CA10: variants seen among roughly 807,000 people sequenced by gnomAD.
CA10 encodes the protein carbonic anhydrase 10 (inactive), also known as carbonic anhydrase-related protein 10.
A neutral mutation model predicts 44.2 loss-of-function variants in CA10; 14 were observed. The observed-to-expected ratio is 0.32, with a 90% CI of 0.21 to 0.50. The LOEUF is 0.50. Ranked by LOEUF, CA10 falls within the 20% of genes least tolerant of loss-of-function variation. The pLI is 0.99. For missense variants in CA10, 350 were observed against 409.7 expected (o/e 0.85, Z 1.26); for synonymous variants, 159 against 141.6 (o/e 1.12, Z -0.87).
At chr17:51,905,497 G>C (rs556278434) in intron 3 of CA10, among the ~76,000 whole-genome samples, 60 of 143,014 alleles carry the variant, frequency 4.2e-4, no homozygotes, top group African/African-American at 1.4e-3. Context: ...TACCTGCTTA[G>C]AGTTTATGGC....
At chr17:51,845,645 A>G (rs1978460327) in intron 3 of CA10, among the ~76,000 whole-genome samples, 1 of 152,238 alleles carries the variant, frequency 6.6e-6, no homozygotes, top group Middle Eastern at 3.2e-3. Context: ...AAATGCACTC[A>G]GCATTGAACA....
chr17:51,692,065 G>C (rs1478045152), intron 4 of CA10, among the ~76,000 whole-genome samples: 3 of 145,756 alleles, frequency 2.1e-5, no homozygotes, highest in Non-Finnish European at 4.5e-5. Context: ...GGGATTGCTT[G>C]AATCAGTAGA....
chr17:51,704,926 G>A (rs1204194501), intron 4 of CA10, among the ~76,000 whole-genome samples: 4 of 149,986 alleles, frequency 2.7e-5, no homozygotes, highest in East Asian at 2.0e-4. Flanking sequence ...CCAGGATCAC[G>A]CCATTCCACT....
intron 4 of CA10, among the ~76,000 whole-genome samples, chr17:51,726,004 T>C (rs59032453): frequency 4.6e-5 from 7 of 152,020 alleles, no homozygotes; most frequent in Non-Finnish European, 8.8e-5. Context: ...GTGAAAGTAG[T>C]GATGCTGGTG....
rs112072325 is a variant in CA10 at position 51,867,898 on chromosome 17, A to G, written c.279+63092T>C. Among the ~76,000 whole-genome samples the G allele has an allele frequency of 4.5e-3, 683 of 152,342 alleles. 6 individuals are homozygous for G. Among genetic ancestry groups the G allele is most frequent in the African/African-American group, 0.016 (665 of 41,580 alleles). Reference sequence around the variant, plus strand: ...GTTCCAAACATGCCTAATTATTTCTAACAGATTCTAAAAACCTCTCAAAAT... The same window carrying G: ...GTTCCAAACATGCCTAATTATTTCTGACAGATTCTAAAAACCTCTCAAAAT... On this transcript the variant is annotated intron_variant, in intron 3 of 8. Coordinates refer to ENST00000451037, the MANE Select transcript of CA10 (RefSeq NM_020178.5).
intron 3 of CA10, among the ~76,000 whole-genome samples, chr17:51,752,516 T>C (rs1904923846): frequency 6.6e-6 from 1 of 152,042 alleles, no homozygotes; most frequent in Admixed American, 6.6e-5. Context: ...TGGTGAAGGT[T>C]CAGTAACTTA....
chr17:51,907,297 C>T (rs1273616371), intron 3 of CA10, among the ~76,000 whole-genome samples: 1 of 152,022 alleles, frequency 6.6e-6, no homozygotes, highest in Non-Finnish European at 1.5e-5. Flanking sequence ...CTTGCTTACT[C>T]CACTTAGGTT....
intron 6 of CA10, among the ~76,000 whole-genome samples, chr17:51,638,359 T>C (rs989203712): frequency 6.6e-6 from 1 of 152,150 alleles, no homozygotes; most frequent in African/African-American, 2.4e-5. Context: ...AGACCAACCC[T>C]AGGAGGAAGG....
intron 2 of CA10, among the ~76,000 whole-genome samples, chr17:52,048,806 G>A (rs373571154): frequency 8.5e-5 from 13 of 152,078 alleles, no homozygotes; most frequent in African/African-American, 3.1e-4. Flanking sequence ...TAGAAGTTGA[G>A]GCCAAATTGC....
intron 3 of CA10, among the ~76,000 whole-genome samples, chr17:51,765,613 T>C (rs993171777): frequency 7.2e-5 from 11 of 152,138 alleles, no homozygotes; most frequent in African/African-American, 2.4e-4. Context: ...ATCTCCATTT[T>C]AGTTGTAACC....
At chr17:51,984,642 A>T (rs1179281444) in intron 2 of CA10, among the ~76,000 whole-genome samples, 1 of 151,852 alleles carries the variant, frequency 6.6e-6, no homozygotes, top group Non-Finnish European at 1.5e-5. Flanking sequence ...GAAGAGAGAA[A>T]ATCCAAATAA....
chr17:52,059,068 T>C (rs1987306705), intron 2 of CA10, among the ~76,000 whole-genome samples: 1 of 152,152 alleles, frequency 6.6e-6, no homozygotes, highest in African/African-American at 2.4e-5. Flanking sequence ...CACCCTCTCA[T>C]ACTGAGAGAA....
At chr17:52,143,269 C>A (rs1216131780) in intron 1 of CA10, among the ~76,000 whole-genome samples, 2 of 152,026 alleles carry the variant, frequency 1.3e-5, no homozygotes, top group Non-Finnish European at 2.9e-5. Context: ...TTAATGAACA[C>A]AAACCATATA....
In CA10 at chr17:51,666,640, C is replaced by T. The variant is rs186575551; in HGVS notation, c.466-12904G>A. On this transcript the variant is annotated intron_variant, in intron 4 of 8. Transcript: ENST00000451037. ...AGCCAGGTATTCCTAATCCTGGAAT[C>T]ATATCACTCAAATTTAATAACCTCT... Among the ~76,000 whole-genome samples, 196 of 152,268 alleles carry T rather than the reference C, an allele frequency of 1.3e-3. 1 individual carries two copies. The highest frequency in any genetic ancestry group is 4.5e-3 in the African/African-American group (189 of 41,554).
chr17:52,111,431 T>G (rs1988787201), intron 1 of CA10, among the ~76,000 whole-genome samples: 1 of 152,174 alleles, frequency 6.6e-6, no homozygotes, highest in Non-Finnish European at 1.5e-5. Flanking sequence ...ATAATGTACT[T>G]TTTCTTCTCC....
chr17:51,768,690 G>C (rs1340521668), intron 3 of CA10, among the ~76,000 whole-genome samples: 3 of 152,122 alleles, frequency 2.0e-5, no homozygotes, highest in African/African-American at 4.8e-5. Context: ...CATTGCTGCT[G>C]CTTTAACTTT....
intron 1 of CA10, among the ~76,000 whole-genome samples, chr17:52,082,002 C>A (rs1987996305): frequency 6.7e-6 from 1 of 149,010 alleles, no homozygotes; most frequent in Admixed American, 6.7e-5. Flanking sequence ...GGCTGCAACA[C>A]TTTCTTTGTA....
At position 51,750,785 on chromosome 17, in the gene CA10, C is replaced by G. The variant is rs185147272; in HGVS notation, c.280-2967G>C. ...CAACAAAAAACATTGCTCCAAGTTC[C>G]TATGACATGCATGCTTTGTGCCATT... On this transcript the variant is annotated intron_variant, in intron 3 of 8. Transcript: ENST00000451037. Among the ~76,000 whole-genome samples the G allele has an allele frequency of 9.3e-4, 142 of 152,344 alleles. 1 individual carries two copies. Among genetic ancestry groups the G allele is most frequent in the Non-Finnish European group, 2.9e-4 (20 of 68,034 alleles).
intron 3 of CA10, among the ~76,000 whole-genome samples, chr17:51,904,072 A>G (rs1330915907): frequency 2.0e-5 from 3 of 151,744 alleles, no homozygotes; most frequent in African/African-American, 7.3e-5. Context: ...TATGCATCAC[A>G]GGGTGACCAA....
Sources: allele counts gnomAD v4.1 joint callset (sites outside exome capture counted in the v4.1 genomes callset), GRCh38; gene constraint gnomAD v4.1.1; transcripts MANE v1.5; gene names NCBI Gene and HGNC (gene_info 2026-07-23, HGNC 2026-07-21).